SNED1: variants seen among roughly 807,000 people sequenced by gnomAD.
SNED1 encodes the protein sushi, nidogen and EGF-like domain-containing protein 1.
A neutral mutation model predicts 166.7 loss-of-function variants in SNED1; 81 were observed. The ratio of observed to expected loss-of-function variants is 0.49; its 90% CI spans 0.41 to 0.58. The LOEUF (loss-of-function observed/expected upper bound fraction) is 0.58. Among genes scored for constraint, SNED1 ranks in the 20% least tolerant of loss-of-function variants. SNED1 has a pLI of 0.00. For missense variants in SNED1, 1,604 were observed against 2,000.2 expected, an observed-to-expected ratio of 0.80 and a Z score of 3.78; for synonymous variants, 762 against 822.0, an observed-to-expected ratio of 0.93 and a Z score of 1.25.
chr2:241,052,248 C>T (rs2061866018), intron 14 of SNED1, 91 bp downstream of exon 14: 3 of 1,453,018 alleles, frequency 2.1e-6, no homozygotes, highest in Non-Finnish European at 1.9e-6. Flanking sequence ...CTGGTCCAGG[C>T]CCTGGAGGCG....
chr2:241,045,451 A>T (rs1254780203), intron 8 of SNED1, among the ~76,000 whole-genome samples: 1 of 152,256 alleles, frequency 6.6e-6, no homozygotes, highest in Non-Finnish European at 1.5e-5. Flanking sequence ...AAAGGGACTG[A>T]CACATGGATC....
At chr2:241,016,269 A>G (rs1450171041) in intron 1 of SNED1, among the ~76,000 whole-genome samples, 1 of 134,942 alleles carries the variant, frequency 7.4e-6, no homozygotes, top group Non-Finnish European at 1.5e-5. Flanking sequence ...ATCTTGGCTC[A>G]CTGCAAGCTC....
intron 27 of SNED1, among the ~76,000 whole-genome samples, chr2:241,077,866 G>A (rs542130165): frequency 6.6e-6 from 1 of 152,098 alleles, no homozygotes; most frequent in African/African-American, 2.4e-5. Flanking sequence ...AACCCTCTAC[G>A]CTGCTGGTGG....
intron 16 of SNED1, 141 bp downstream of exon 16, chr2:241,053,467 C>G: frequency 1.2e-6 from 1 of 850,428 alleles, no homozygotes; most frequent in Non-Finnish European, 1.8e-6. Context: ...CCTCAGTCTC[C>G]TGTCTGTGAA....
intron 3 of SNED1, 55 bp downstream of exon 3, chr2:241,033,930 G>A: frequency 6.5e-7 from 1 of 1,534,892 alleles, no homozygotes; most frequent in Non-Finnish European, 8.8e-7. Flanking sequence ...CCACAGCCAG[G>A]ACTGTCATGA....
At chr2:241,005,933 G>C (rs1418555884) in intron 1 of SNED1, among the ~76,000 whole-genome samples, 1 of 151,786 alleles carries the variant, frequency 6.6e-6, no homozygotes, top group African/African-American at 2.4e-5. Context: ...TGAGCGTATA[G>C]TTTCCATGAA....
intron 12 of SNED1, 114 bp downstream of exon 12, chr2:241,050,047 T>A: frequency 1.3e-6 from 1 of 786,526 alleles, no homozygotes. Flanking sequence ...TGACCTCGTC[T>A]AGAGCCTTGC....
chr2:241,002,717 G>C (rs1455813349), intron 1 of SNED1, among the ~76,000 whole-genome samples: 1 of 152,040 alleles, frequency 6.6e-6, no homozygotes, highest in Non-Finnish European at 1.5e-5. Flanking sequence ...GGAAACCGAG[G>C]CTCAGAATGC....
intron 31 of SNED1, chr2:241,090,131 G>C: frequency 6.8e-7 from 1 of 1,480,322 alleles, no homozygotes; most frequent in Non-Finnish European, 9.0e-7. Context: ...TTTAATAACA[G>C]CTTAAAATAC....
Position 241,051,631 on chromosome 2 carries a change from G to A in SNED1, c.1736-113G>A, listed in dbSNP as rs538694726. 20 of 846,498 alleles carry A rather than the reference G, an allele frequency of 2.4e-5. No homozygotes were observed. The highest frequency in any genetic ancestry group is 2.4e-4 in the Middle Eastern group (1 of 4,216). 52.4% of individuals were successfully genotyped at this position (846,498 alleles called of 1,614,324 possible). On this transcript the variant is annotated intron_variant, in intron 12 of 31. Transcript: ENST00000310397. The surrounding 1 kb of genome is among the most constrained non-coding windows in gnomAD (Gnocchi z 4.7). Reference sequence around the variant, plus strand: ...TGCTGCAGCCAGGCCCCAGGGCTTCGTCGAGAAGGCCCCACCAGCACCAGA... The same window carrying A: ...TGCTGCAGCCAGGCCCCAGGGCTTCATCGAGAAGGCCCCACCAGCACCAGA...
At chr2:241,052,229 T>A (rs1010205882) in intron 14 of SNED1, 72 bp downstream of exon 14, 1 of 1,479,168 alleles carries the variant, frequency 6.8e-7, no homozygotes, top group African/African-American at 1.4e-5. Context: ...AACAGGCCCA[T>A]GGGCAGGGCT....
At position 241,091,298 on chromosome 2, in the gene SNED1, C is replaced by T. The variant is rs569923927; in HGVS notation, c.*2-340C>T. 6.6e-6 allele frequency among the ~76,000 whole-genome samples: 1 copy of T among 152,296 alleles called. No individual in the cohort carries two copies. The highest frequency in any genetic ancestry group is 1.5e-5 in the Non-Finnish European group (1 of 68,024). On this transcript the variant is annotated intron_variant, in intron 31 of 31. Coordinates refer to ENST00000310397, the MANE Select transcript of SNED1 (RefSeq NM_001080437.3). This position sits in a 1 kb window ranked among gnomAD's most constrained non-coding sequence, Gnocchi z 4.1. Reference sequence around the variant, plus strand: ...TGCCCTTGGAGAAAAGACCCAGAGTCGTTACCGGAAGGAGGAGGGCAGGGA... The same window carrying T: ...TGCCCTTGGAGAAAAGACCCAGAGTTGTTACCGGAAGGAGGAGGGCAGGGA...
Position 241,093,901 on chromosome 2 carries a change from T to A in SNED1, c.*2265T>A, listed in dbSNP as rs2064210579. The A allele has an allele frequency of 6.5e-6, 1 of 153,400 alleles. No homozygotes were observed. Among genetic ancestry groups the A allele is most frequent in the African/African-American group, 2.4e-5 (1 of 41,446 alleles). 9.5% of individuals were successfully genotyped at this position (153,400 alleles called of 1,614,324 possible). On this transcript the variant is annotated 3_prime_UTR_variant, in exon 32 of 32. Transcript: ENST00000310397. ...ACTGTCAGGAGCATAAAGATTTCTGTATCAAAATGAAAGAAGCAATCCTGA... is the reference window on the plus strand; with the variant it reads ...ACTGTCAGGAGCATAAAGATTTCTGAATCAAAATGAAAGAAGCAATCCTGA...
At chr2:241,085,330 C>G (rs959563476) in intron 29 of SNED1, among the ~76,000 whole-genome samples, 2 of 152,204 alleles carry the variant, frequency 1.3e-5, no homozygotes, top group African/African-American at 2.4e-5. Flanking sequence ...TATTGCTATG[C>G]ACTCAAGGTC....
chr2:241,026,001 T>C (rs1262757104), intron 1 of SNED1, among the ~76,000 whole-genome samples: 1 of 135,420 alleles, frequency 7.4e-6, no homozygotes, highest in Non-Finnish European at 1.5e-5. Context: ...GGCTTTGTTT[T>C]TCTTTTCCTT....
At position 241,048,305 on chromosome 2, in the gene SNED1, TTTC is replaced by T; in HGVS notation, c.1274-7_1274-5del. On this transcript the variant is annotated splice_region_variant and splice_polypyrimidine_tract_variant and intron_variant, in intron 8 of 31. Coordinates refer to ENST00000310397, the MANE Select transcript of SNED1 (RefSeq NM_001080437.3). Reference sequence around the variant, plus strand: ...TGCGTGGCCGCTGGTGACTGCCGTCTTTCTTGCAGGAGACCATCCAGTGCCAGA... The same window carrying T: ...TGCGTGGCCGCTGGTGACTGCCGTCTTTGCAGGAGACCATCCAGTGCCAGA... 1 of 1,590,724 alleles carries T rather than the reference TTTC, an allele frequency of 6.3e-7. No individual in the cohort carries two copies. Among genetic ancestry groups the T allele is most frequent in the Non-Finnish European group, 8.5e-7 (1 of 1,171,072 alleles).
intron 1 of SNED1, among the ~76,000 whole-genome samples, chr2:241,023,509 A>G (rs1047707014): frequency 4.0e-5 from 6 of 151,630 alleles, no homozygotes; most frequent in South Asian, 2.1e-4. Flanking sequence ...TCCATTTGTG[A>G]TATCTATTAG....
At position 241,068,921 on chromosome 2, in the gene SNED1, C is replaced by T; in HGVS notation, c.3205C>T (p.Pro1069Ser). Residue 1069 changes from proline (P) to serine (S), a missense_variant, in exon 23 of 32, where the codon CCT (proline) becomes TCT (serine). By Grantham distance (74) the Pro-to-Ser change is moderately conservative. Around this residue, in one of 2 missense-constraint regions of SNED1, gnomAD observed 1,237 missense variants for 1,620.8 expected, o/e 0.76. Coordinates refer to ENST00000310397, the MANE Select transcript of SNED1 (RefSeq NM_001080437.3). The surrounding 1 kb of genome is among the most constrained non-coding windows in gnomAD (Gnocchi z 5.3). ...VDRFTFRALL[P>S]GKRYTIQLTT... is the part of the protein sequence containing the mutation. ...ACCTCCTGCCCACAGGGCCCTGCTG[C>T]CTGGGAAGAGGTACACCATCCAGCT... is the stretch of plus-strand genomic sequence containing the variant. 1.3e-6 allele frequency: 2 copies of T among 1,551,256 alleles called. No individual in the cohort carries two copies. Among genetic ancestry groups the T allele is most frequent in the Non-Finnish European group, 1.7e-6 (2 of 1,146,996 alleles).
chr2:241,028,449 T>C (rs755775218), intron 1 of SNED1, among the ~76,000 whole-genome samples: 22 of 152,228 alleles, frequency 1.4e-4, no homozygotes, highest in Non-Finnish European at 2.8e-4. Flanking sequence ...TGGCTCTATA[T>C]TGAGTTAATT....
Sources: gnomAD v4.1 joint callset for allele counts (sites outside exome capture counted in the v4.1 genomes callset) on GRCh38, gnomAD v4.1.1 for gene constraint, gnomAD v4.1.1 regional missense constraint, Gnocchi (gnomAD v3.1) non-coding constraint, MANE v1.5 for transcripts, NCBI Gene and HGNC (gene_info 2026-07-23, HGNC 2026-07-21) for gene names.